The following FHOD3 variants were observed in gnomAD, a reference collection of about 807,000 sequenced individuals.
The protein encoded by FHOD3 is FH1/FH2 domain-containing protein 3.
A neutral mutation model predicts 173.0 loss-of-function variants in FHOD3; 90 were observed. The ratio of observed to expected loss-of-function variants is 0.52; its 90% CI spans 0.44 to 0.62. The LOEUF is 0.62. FHOD3 is among the 20% of genes least tolerant of loss of function. The pLI, the probability that FHOD3 is intolerant of heterozygous loss-of-function variation, is 0.00. For synonymous variants in FHOD3, 828 were observed against 823.0 expected, an observed-to-expected ratio of 1.01 and a Z score of -0.10; for missense variants, 1,945 against 2,034.7, an observed-to-expected ratio of 0.96 and a Z score of 0.85.
At chr18:36,336,123 A>C (rs1375941394) in intron 1 of FHOD3, among the ~76,000 whole-genome samples, 1 of 152,178 alleles carries the variant, frequency 6.6e-6, no homozygotes, top group African/African-American at 2.4e-5. Flanking sequence ...TGGTGGCCGT[A>C]AGAAACTGCA....
At chr18:36,653,036 TC>T (rs748036790) in intron 12 of FHOD3, 107 bp downstream of exon 12, 171 of 1,404,586 alleles carry the variant, frequency 1.2e-4, no homozygotes, top group Non-Finnish European at 1.6e-4. Flanking sequence ...TTTGTGGATT[TC>T]AGCCCAAGCA....
Position 36,312,515 on chromosome 18 carries a change from C to T in FHOD3, c.165+14515C>T, listed in dbSNP as rs554642576. ...TCTAGATCAGATCTTGTCATCTTCC[C>T]ACAGACCCATACTGCCTCAGCGAGG... is the stretch of plus-strand genomic sequence containing the variant. On this transcript the variant is annotated intron_variant, in intron 1 of 28. Transcript: ENST00000590592. Among the ~76,000 whole-genome samples the T allele has an allele frequency of 2.6e-5, 4 of 152,256 alleles. No homozygotes were observed. In the South Asian group the frequency reaches 8.3e-4, roughly 32 times the overall value.
At chr18:36,712,101 C>T (rs2040200480) in intron 18 of FHOD3, among the ~76,000 whole-genome samples, 1 of 152,184 alleles carries the variant, frequency 6.6e-6, no homozygotes, top group Admixed American at 6.5e-5. Context: ...AGGAGCTGAA[C>T]ATCTCCCTCC....
chr18:36,741,675 G>A (rs1328055875), intron 21 of FHOD3, among the ~76,000 whole-genome samples: 1 of 152,092 alleles, frequency 6.6e-6, no homozygotes, highest in Non-Finnish European at 1.5e-5. Context: ...GGAGGCTGTG[G>A]CAGGAGGATC....
chr18:36,739,611 C>T (rs1026456271), intron 20 of FHOD3, among the ~76,000 whole-genome samples: 1 of 152,206 alleles, frequency 6.6e-6, no homozygotes, highest in Non-Finnish European at 1.5e-5. Flanking sequence ...GTATGTCTCT[C>T]CATGTGTTTA....
chr18:36,761,555 G>A (rs944663765), intron 27 of FHOD3, among the ~76,000 whole-genome samples: 1 of 152,028 alleles, frequency 6.6e-6, no homozygotes, highest in Admixed American at 6.6e-5. Flanking sequence ...TCACCGCGGC[G>A]CTTCTCCGCA....
At position 36,681,531 on chromosome 18, in the gene FHOD3, G is replaced by T. The variant is rs1390566724; in HGVS notation, c.1931G>T (p.Arg644Met). The T allele has an allele frequency of 1.9e-6, 3 of 1,613,848 alleles. No individual in the cohort carries two copies. The highest frequency in any genetic ancestry group is 2.5e-6 in the Non-Finnish European group (3 of 1,179,866). The change falls in exon 15 of 29, where the codon AGG becomes ATG. Residue 644 changes from arginine (R) to methionine (M), a missense_variant. Coordinates refer to ENST00000590592, the MANE Select transcript of FHOD3 (RefSeq NM_001281740.3). ...RERRRQEREE[R>M]LQRIEREERN... ...AGGCGGCGGCAGGAGAGAGAAGAAA[G>T]GTTGCAGAGAATAGAGCGGGAAGAA... is the stretch of plus-strand genomic sequence containing the variant.
chr18:36,545,036 G>A (rs1337588218), intron 5 of FHOD3, among the ~76,000 whole-genome samples: 2 of 152,184 alleles, frequency 1.3e-5, no homozygotes, highest in East Asian at 3.9e-4. Context: ...GGCAATGCTT[G>A]TAGATTAACT....
intron 3 of FHOD3, among the ~76,000 whole-genome samples, chr18:36,428,335 T>A (rs996531608): frequency 6.6e-6 from 1 of 152,182 alleles, no homozygotes; most frequent in Non-Finnish European, 1.5e-5. Context: ...GTTAAAGGAT[T>A]TTTTGTTGAT....
intron 27 of FHOD3, among the ~76,000 whole-genome samples, chr18:36,766,468 C>T (rs1466131123): frequency 6.6e-6 from 1 of 152,190 alleles, no homozygotes; most frequent in Non-Finnish European, 1.5e-5. Context: ...GTCTTGCTAA[C>T]ACTTACTACT....
chr18:36,347,095 A>C (rs1279059469), intron 1 of FHOD3, among the ~76,000 whole-genome samples: 1 of 152,246 alleles, frequency 6.6e-6, no homozygotes, highest in African/African-American at 2.4e-5. Context: ...GGCATGGAGA[A>C]GAACAGGAAA....
At chr18:36,340,028 C>T (rs1482744189) in intron 1 of FHOD3, among the ~76,000 whole-genome samples, 1 of 152,188 alleles carries the variant, frequency 6.6e-6, no homozygotes, top group East Asian at 1.9e-4. Context: ...CTCTCCCTTT[C>T]ACCAATTCTT....
At chr18:36,376,847 T>A (rs1179224613) in intron 3 of FHOD3, among the ~76,000 whole-genome samples, 1 of 152,238 alleles carries the variant, frequency 6.6e-6, no homozygotes, top group Non-Finnish European at 1.5e-5. Context: ...CAGTGCAACA[T>A]TTCCTCAAGA....
intron 5 of FHOD3, among the ~76,000 whole-genome samples, chr18:36,572,610 G>T (rs148001417): frequency 9.2e-5 from 14 of 152,334 alleles, no homozygotes; most frequent in African/African-American, 2.6e-4. Context: ...GTATGATCCA[G>T]TTAATAGAAT....
At chr18:36,749,691 T>C (rs542960268) in intron 24 of FHOD3, among the ~76,000 whole-genome samples, 1 of 152,320 alleles carries the variant, frequency 6.6e-6, no homozygotes, top group East Asian at 1.9e-4. Flanking sequence ...TTGGTATATA[T>C]ATACCCAGTA....
At chr18:36,694,907 T>C (rs891045108) in intron 17 of FHOD3, among the ~76,000 whole-genome samples, 2 of 152,160 alleles carry the variant, frequency 1.3e-5, no homozygotes, top group African/African-American at 4.8e-5. Flanking sequence ...TCGAGACCAT[T>C]CTAGCCACTG....
At chr18:36,551,323 G>A (rs1386908855) in intron 5 of FHOD3, among the ~76,000 whole-genome samples, 2 of 152,028 alleles carry the variant, frequency 1.3e-5, no homozygotes, top group African/African-American at 4.8e-5. Flanking sequence ...ACAGATTGGT[G>A]TATAGTTTTC....
intron 5 of FHOD3, among the ~76,000 whole-genome samples, chr18:36,566,307 A>C (rs2058261637): frequency 6.6e-6 from 1 of 152,214 alleles, no homozygotes; most frequent in African/African-American, 2.4e-5. Context: ...ATTTTTAAAA[A>C]TTTTAAACAT....
chr18:36,381,073 C>T lies in FHOD3; in HGVS notation c.337+8329C>T, dbSNP rs55813920. 8.4e-3 allele frequency among the ~76,000 whole-genome samples: 1,284 copies of T among 152,338 alleles called. 19 individuals are homozygous for T. The highest frequency in any genetic ancestry group is 0.061 in the South Asian group (294 of 4,824). ...TTTAGGCCATTGAAATCATCTTTAG[C>T]CCTTCTCTACAGATACAATTGCCGA... On this transcript the variant is annotated intron_variant, in intron 3 of 28. Coordinates refer to ENST00000590592, the MANE Select transcript of FHOD3 (RefSeq NM_001281740.3).
Sources: allele counts gnomAD v4.1 joint callset (sites outside exome capture counted in the v4.1 genomes callset), GRCh38; gene constraint gnomAD v4.1.1; transcripts MANE v1.5; gene names NCBI Gene and HGNC (gene_info 2026-07-23, HGNC 2026-07-21).